Variants in MCC observed in about 807,000 individuals in gnomAD.
MCC encodes the protein colorectal mutant cancer protein.
Under a neutral mutation model 116.2 loss-of-function variants are expected in MCC, and 90 were observed. The observed-to-expected ratio is 0.77, with a 90% CI of 0.65 to 0.92. MCC has a LOEUF of 0.92. Among genes scored for constraint, MCC ranks in the 40% least tolerant of loss-of-function variants. The probability of loss-of-function intolerance (pLI) is 0.00; values close to 1 mark genes in which losing one functional copy is unlikely to be tolerated. For synonymous variants in MCC, 578 were observed against 510.5 expected (o/e 1.13, Z -1.78); for missense variants, 1,516 against 1,312.2 (o/e 1.16, Z -2.40).
chr5:113,295,043 G>C (rs971001116), intron 3 of MCC: 1 of 707,786 alleles, frequency 1.4e-6, no homozygotes. Context: ...CCTGGAGGCC[G>C]AGCAGAGGAG....
chr5:113,395,484 A>G (rs1378800573), intron 1 of MCC, among the ~76,000 whole-genome samples: 1 of 152,202 alleles, frequency 6.6e-6, no homozygotes, highest in African/African-American at 2.4e-5. Flanking sequence ...TAGCTACTCT[A>G]TGTTCACCTT....
intron 3 of MCC, among the ~76,000 whole-genome samples, chr5:113,218,591 G>A (rs1340388340): frequency 1.3e-5 from 2 of 152,176 alleles, no homozygotes; most frequent in Non-Finnish European, 2.9e-5. Context: ...ACCAAAGTAC[G>A]GGTGTATTTC....
chr5:113,272,788 C>T (rs574952303), intron 3 of MCC, among the ~76,000 whole-genome samples: 20 of 152,242 alleles, frequency 1.3e-4, no homozygotes, highest in Non-Finnish European at 4.4e-5. Flanking sequence ...TGCAAGGAAA[C>T]GAATTATGGG....
Position 113,036,965 on chromosome 5 carries a change from T to C in MCC, c.2756+6565A>G, listed in dbSNP as rs369528462. 1.2e-3 allele frequency among the ~76,000 whole-genome samples: 178 copies of C among 152,328 alleles called. 1 individual carries two copies. Among genetic ancestry groups the C allele is most frequent in the African/African-American group, 4.1e-3 (172 of 41,570 alleles). ...TAATGTCCTGCAGACCCATGTGCTT[T>C]TATGGAATTCTAAGCACAACTTCCA... On this transcript the variant is annotated intron_variant, in intron 17 of 18. Transcript: ENST00000408903.
At chr5:113,148,961 C>T (rs754928335) in intron 4 of MCC, among the ~76,000 whole-genome samples, 5 of 152,172 alleles carry the variant, frequency 3.3e-5, no homozygotes, top group Non-Finnish European at 5.9e-5. Flanking sequence ...CAATCCTTGA[C>T]TTAGAGAAAA....
In MCC at chr5:113,434,697, G is replaced by A. The variant is rs1428163183; in HGVS notation, c.171-49485C>T. On this transcript the variant is annotated intron_variant, in intron 1 of 18. Coordinates refer to ENST00000408903, the MANE Select transcript of MCC (RefSeq NM_001085377.2). This position sits in a 1 kb window ranked among gnomAD's most constrained non-coding sequence, Gnocchi z 4.2. ...GAATTTCTCCAAGAAGTCTGCGGGGGCCTTCTTGCGGTCGATGATCTTGAT... is the reference window on the plus strand; with the variant it reads ...GAATTTCTCCAAGAAGTCTGCGGGGACCTTCTTGCGGTCGATGATCTTGAT... The A allele has an allele frequency of 1.9e-6, 3 of 1,614,018 alleles. No individual in the cohort carries two copies. Among genetic ancestry groups the A allele is most frequent in the Non-Finnish European group, 2.5e-6 (3 of 1,179,922 alleles).
intron 3 of MCC, among the ~76,000 whole-genome samples, chr5:113,190,132 A>G (rs1301943557): frequency 6.6e-6 from 1 of 152,250 alleles, no homozygotes; most frequent in Non-Finnish European, 1.5e-5. Flanking sequence ...CTGCCTGGGC[A>G]GCTGCTATAA....
intron 13 of MCC, among the ~76,000 whole-genome samples, chr5:113,066,800 C>T (rs974278559): frequency 6.6e-6 from 1 of 152,224 alleles, no homozygotes; most frequent in Non-Finnish European, 1.5e-5. Flanking sequence ...TGGAAGCTCA[C>T]AGCAGAAATC....
chr5:113,108,417 G>A (rs1239036720), intron 6 of MCC, among the ~76,000 whole-genome samples: 1 of 151,138 alleles, frequency 6.6e-6, no homozygotes, highest in Non-Finnish European at 1.5e-5. Context: ...CACTTTGGGA[G>A]GCTGAGGCGG....
At chr5:113,084,020 G>C in intron 10 of MCC, 81 bp downstream of exon 10, 1 of 1,067,466 alleles carries the variant, frequency 9.4e-7, no homozygotes, top group East Asian at 2.4e-5. Context: ...ATAGACTTTG[G>C]AAGTTCTTCT....
intron 3 of MCC, among the ~76,000 whole-genome samples, chr5:113,189,064 C>T (rs1029069425): frequency 6.6e-6 from 1 of 152,152 alleles, no homozygotes; most frequent in Non-Finnish European, 1.5e-5. Context: ...GGAGTGAGGC[C>T]GTCTACCAAG....
At chr5:113,423,088 G>A (rs1391562804) in intron 1 of MCC, among the ~76,000 whole-genome samples, 2 of 152,194 alleles carry the variant, frequency 1.3e-5, no homozygotes, top group African/African-American at 4.8e-5. Flanking sequence ...GTTCCCAGCA[G>A]AGGCTGAACA....
intron 2 of MCC, among the ~76,000 whole-genome samples, chr5:113,348,780 T>C (rs1473756086): frequency 2.6e-5 from 4 of 151,756 alleles, no homozygotes; most frequent in Non-Finnish European, 4.4e-5. Context: ...GTTGGGTTTT[T>C]GAAAAGATAA....
intron 3 of MCC, among the ~76,000 whole-genome samples, chr5:113,178,779 T>C (rs535989384): frequency 6.6e-6 from 1 of 152,300 alleles, no homozygotes; most frequent in South Asian, 2.1e-4. Context: ...TAACATGTTC[T>C]ATTTTCTTTT....
chr5:113,340,249 T>C (rs1373612868), intron 3 of MCC, among the ~76,000 whole-genome samples: 1 of 152,254 alleles, frequency 6.6e-6, no homozygotes, highest in East Asian at 1.9e-4. Flanking sequence ...GGAAGAGCTG[T>C]TGTGCATCTT....
intron 3 of MCC, among the ~76,000 whole-genome samples, chr5:113,238,373 G>C (rs1418734429): frequency 2.6e-5 from 4 of 152,066 alleles, no homozygotes; most frequent in African/African-American, 9.7e-5. Flanking sequence ...GTAGAATTTT[G>C]TATATTTCAT....
rs1769401179 is a variant in MCC at position 113,391,552 on chromosome 5, CA to C, written c.171-6341del. Among the ~76,000 whole-genome samples the C allele has an allele frequency of 3.3e-5, 5 of 151,908 alleles. No individual in the cohort carries two copies. The South Asian group carries it at 1.0e-3, about 32-fold the overall frequency. ...CAACAAAGTGAGACATTGATCTTCA[CA>C]CAAAAAATTGAAAAAATTAGCCAGG... On this transcript the variant is annotated intron_variant, in intron 1 of 18. Coordinates refer to ENST00000408903, the MANE Select transcript of MCC (RefSeq NM_001085377.2).
intron 3 of MCC, among the ~76,000 whole-genome samples, chr5:113,158,898 C>T (rs775283036): frequency 3.3e-5 from 5 of 152,134 alleles, no homozygotes; most frequent in Admixed American, 6.5e-5. Flanking sequence ...TCTCCCTTGC[C>T]CGAGGGATGC....
rs542912536 is a variant in MCC at position 113,228,435 on chromosome 5, A to G, written c.628-77013T>C. Among the ~76,000 whole-genome samples the G allele has an allele frequency of 1.6e-4, 25 of 152,284 alleles. No individual in the cohort carries two copies. The East Asian group carries it at 1.9e-3, about 12-fold the overall frequency. On this transcript the variant is annotated intron_variant, in intron 3 of 18. Transcript: ENST00000408903. ...TTACAGAAAGCTCCAAACGGCCTCA[A>G]TGTTAAGGTGACATTTGAGTAGACC... is the stretch of plus-strand genomic sequence containing the variant.
Sources: allele counts gnomAD v4.1 joint callset (sites outside exome capture counted in the v4.1 genomes callset), GRCh38; gene constraint gnomAD v4.1.1; non-coding constraint Gnocchi (gnomAD v3.1); transcripts MANE v1.5; gene names NCBI Gene and HGNC (gene_info 2026-07-23, HGNC 2026-07-21).